Variants in IFNG-AS1 observed in about 807,000 individuals in gnomAD.
IFNG-AS1 encodes the protein IFNG antisense RNA 1 (non-protein coding).
intron 3 of IFNG-AS1, among the ~76,000 whole-genome samples, chr12:68,016,926 A>G (rs1880168896): frequency 6.6e-6 from 1 of 152,214 alleles, no homozygotes; most frequent in South Asian, 2.1e-4. Context: ...TGCAGCAGGC[A>G]TAATCCCTAT....
chr12:68,006,823 G>A (rs1234100181), intron 3 of IFNG-AS1, among the ~76,000 whole-genome samples: 1 of 152,196 alleles, frequency 6.6e-6, no homozygotes, highest in Non-Finnish European at 1.5e-5. Context: ...AGAAGACTTT[G>A]AAACTCACAT....
rs760210400 is a variant in IFNG-AS1, at chr12:68,007,196, C to T, written n.241+1050C>T. ...ATGCCTCCATTTCCACATTATGAAA[C>T]GAAGATAAACACAGGACTCCATTCA... On this transcript the variant is annotated intron_variant and non_coding_transcript_variant, in intron 3 of 5. Coordinates refer to ENST00000536914, the Ensembl canonical transcript of IFNG-AS1. Among the ~76,000 whole-genome samples, 27 of 152,032 alleles carry T rather than the reference C, an allele frequency of 1.8e-4. 1 individual carries two copies. Among genetic ancestry groups the T allele is most frequent in the South Asian group, 8.3e-4 (4 of 4,812 alleles).
exon 2 of IFNG-AS1, chr12:67,996,026 G>A (rs1879634085): frequency 6.6e-6 from 1 of 152,082 alleles, no homozygotes; most frequent in Non-Finnish European, 1.5e-5. Flanking sequence ...CAGGGAAGAA[G>A]AAAATATTCT....
At chr12:68,019,290 A>C (rs979292271) in intron 3 of IFNG-AS1, among the ~76,000 whole-genome samples, 7 of 152,192 alleles carry the variant, frequency 4.6e-5, no homozygotes, top group African/African-American at 1.7e-4. Context: ...ACTACATGCC[A>C]GGCTCTGTTC....
At chr12:67,990,573 C>T (rs1306178459) in intron 1 of IFNG-AS1, among the ~76,000 whole-genome samples, 1 of 151,492 alleles carries the variant, frequency 6.6e-6, no homozygotes, top group Non-Finnish European at 1.5e-5. Context: ...ACTTTATACA[C>T]CTAAGGGTTT....
At chr12:68,000,092 G>T (rs953484520) in intron 2 of IFNG-AS1, among the ~76,000 whole-genome samples, 3 of 152,244 alleles carry the variant, frequency 2.0e-5, no homozygotes, top group East Asian at 1.9e-4. Context: ...AAGGTCTGGG[G>T]TTAGTTAATA....
intron 2 of IFNG-AS1, among the ~76,000 whole-genome samples, chr12:67,998,763 A>T (rs1426566271): frequency 2.6e-5 from 4 of 152,190 alleles, no homozygotes; most frequent in Non-Finnish European, 5.9e-5. Context: ...TGAACTGAAG[A>T]CAACTTTGAA....
chr12:68,003,147 A>G (rs930590241), intron 2 of IFNG-AS1, among the ~76,000 whole-genome samples: 2 of 152,166 alleles, frequency 1.3e-5, no homozygotes, highest in South Asian at 2.1e-4. Context: ...TCTGACTAAA[A>G]TATCTCATTA....
intron 2 of IFNG-AS1, among the ~76,000 whole-genome samples, chr12:67,996,376 A>T (rs1254302259): frequency 6.6e-6 from 1 of 152,258 alleles, no homozygotes; most frequent in Non-Finnish European, 1.5e-5. Flanking sequence ...CCATCTAACT[A>T]GTTTCATTCT....
chr12:67,990,579 G>A (rs1378832474), intron 1 of IFNG-AS1, among the ~76,000 whole-genome samples: 2 of 150,488 alleles, frequency 1.3e-5, no homozygotes, highest in African/African-American at 4.9e-5. Flanking sequence ...TACACCTAAG[G>A]GTTTGAAATA....
chr12:68,016,321 T>C (rs1880155990), intron 3 of IFNG-AS1, among the ~76,000 whole-genome samples: 2 of 152,056 alleles, frequency 1.3e-5, no homozygotes, highest in Non-Finnish European at 2.9e-5. Context: ...AAACCAATGA[T>C]TCCCAGGCCC....
intron 2 of IFNG-AS1, among the ~76,000 whole-genome samples, chr12:68,004,821 GA>G (rs201220925): frequency 6.6e-6 from 1 of 152,038 alleles, no homozygotes; most frequent in African/African-American, 2.4e-5. Flanking sequence ...CAGTGATGGG[GA>G]AAAATTGGAC....
intron 4 of IFNG-AS1, chr12:68,019,952 G>A (rs910148934): frequency 2.0e-5 from 3 of 152,120 alleles, no homozygotes; most frequent in Non-Finnish European, 2.9e-5. Flanking sequence ...AGACCTGGAG[G>A]GGCCAGTTGG....
chr12:67,990,668 A>C (rs1565685163), intron 1 of IFNG-AS1, among the ~76,000 whole-genome samples: 1 of 151,550 alleles, frequency 6.6e-6, no homozygotes, highest in Non-Finnish European at 1.5e-5. Context: ...ATCTCAGCTC[A>C]CTGCAACCTC....
At chr12:67,994,308 A>C (rs1193856365) in intron 1 of IFNG-AS1, among the ~76,000 whole-genome samples, 1 of 152,246 alleles carries the variant, frequency 6.6e-6, no homozygotes, top group Admixed American at 6.5e-5. Context: ...GTTGGTTCAA[A>C]TCAATAAGTC....
At chr12:67,996,313 T>C (rs1307855040) in intron 2 of IFNG-AS1, among the ~76,000 whole-genome samples, 1 of 152,226 alleles carries the variant, frequency 6.6e-6, no homozygotes, top group East Asian at 1.9e-4. Flanking sequence ...ATGAGTTTTG[T>C]CTTTATTCTG....
At chr12:68,014,619 G>A (rs1422608098) in intron 3 of IFNG-AS1, among the ~76,000 whole-genome samples, 1 of 152,076 alleles carries the variant, frequency 6.6e-6, no homozygotes, top group Non-Finnish European at 1.5e-5. Context: ...GACAGCTTTT[G>A]AACTTCATTT....
At chr12:68,000,909 A>G (rs569421900) in intron 2 of IFNG-AS1, among the ~76,000 whole-genome samples, 3 of 152,234 alleles carry the variant, frequency 2.0e-5, no homozygotes, top group African/African-American at 7.2e-5. Context: ...AATTTTATGT[A>G]CAGATATATG....
chr12:67,999,910 G>C (rs955734662), intron 2 of IFNG-AS1, among the ~76,000 whole-genome samples: 2 of 152,140 alleles, frequency 1.3e-5, no homozygotes, highest in Non-Finnish European at 2.9e-5. Flanking sequence ...CCAATAATAA[G>C]AAGTATTCAA....
Sources: allele counts gnomAD v4.1 joint callset (sites outside exome capture counted in the v4.1 genomes callset), GRCh38; gene constraint gnomAD v4.1.1; transcripts MANE v1.5; gene names NCBI Gene and HGNC (gene_info 2026-07-23, HGNC 2026-07-21).